IFNAR2: variants seen among roughly 807,000 people sequenced by gnomAD.
IFNAR2 encodes interferon alpha and beta receptor subunit 2, also known as interferon alpha/beta receptor 2.
A neutral mutation model predicts 49.4 loss-of-function variants in IFNAR2; 30 were observed. That is an observed-to-expected ratio of 0.61 (90% CI 0.45 to 0.82). The LOEUF is 0.82. Ranked by LOEUF, IFNAR2 falls within the 40% of genes least tolerant of loss-of-function variation. The pLI is 0.00. For synonymous variants in IFNAR2, 224 were observed against 234.5 expected (o/e 0.96, Z 0.41); for missense variants, 600 against 622.7 (o/e 0.96, Z 0.39).
chr21:33,253,403 C>G (rs549828140), intron 7 of IFNAR2, among the ~76,000 whole-genome samples: 1 of 152,162 alleles, frequency 6.6e-6, no homozygotes, highest in African/African-American at 2.4e-5. Context: ...AATCAAGCCT[C>G]GGAACTCCCT....
chr21:33,242,779 G>A (rs1356357308), intron 2 of IFNAR2, among the ~76,000 whole-genome samples: 17 of 49,396 alleles, frequency 3.4e-4, no homozygotes, highest in South Asian at 9.7e-4. Context: ...GTGTGTGTGT[G>A]TGTGTGTGTG....
rs975597000 is a variant in IFNAR2 at position 33,251,506 on chromosome 21, A to T, written c.541-1156A>T. 123 of 973,030 alleles carry T rather than the reference A, an allele frequency of 1.3e-4. No homozygotes were observed. The African/African-American group carries it at 1.9e-3, about 15-fold the overall frequency. 60.3% of individuals were successfully genotyped at this position (973,030 alleles called of 1,614,324 possible). On this transcript the variant is annotated intron_variant, in intron 6 of 8. Transcript: ENST00000342136. The stretch of plus-strand genomic sequence containing the variant: ...TTCCAAGGAATTTTTCCAAACAGGG[A>T]AGGAGATTGTGTGCTGGCCACTGGA...
In IFNAR2 at chr21:33,260,620, G is replaced by A. The variant is rs138402252; in HGVS notation, c.733G>A (p.Gly245Arg). 1 of 1,584,374 alleles carries A rather than the reference G, an allele frequency of 6.3e-7. No homozygotes were observed. Among genetic ancestry groups the A allele is most frequent in the Non-Finnish European group, 8.5e-7 (1 of 1,171,854 alleles). The change falls in exon 8 of 9, where the codon GGA becomes AGA. Residue 245 changes from glycine (G) to arginine (R), a missense_variant. Transcript: ENST00000342136. ...AGAATCAGCAGAATCTGCCAAAATA[G>A]GAGGAATAATTACTGTGTTTTTGAT... ...ESESAESAKI[G>R]GIITVFLIAL...
At chr21:33,247,277 A>T (rs1601803178) in intron 5 of IFNAR2, among the ~76,000 whole-genome samples, 1 of 69,308 alleles carries the variant, frequency 1.4e-5, no homozygotes. Context: ...TTTGAGATGG[A>T]GTTTCACTCT....
intron 7 of IFNAR2, 25 bp from the exon 8 acceptor site, chr21:33,260,572 A>G (rs1294092695): frequency 6.3e-7 from 1 of 1,575,656 alleles, no homozygotes; most frequent in Non-Finnish European, 8.6e-7. Context: ...TTTTGAAATA[A>G]AGTCATTTAA....
chr21:33,252,307 C>T, intron 6 of IFNAR2: 1 of 516,640 alleles, frequency 1.9e-6, no homozygotes, highest in Non-Finnish European at 3.3e-6. Context: ...TATGAAGGCA[C>T]TTTCTCAAGT....
chr21:33,263,296 G>C lies in IFNAR2; in HGVS notation c.1344G>C (p.Met448Ile), dbSNP rs757139087. Residue 448 changes from methionine to isoleucine, a missense_variant, in exon 9 of 9, where the codon ATG (methionine) becomes ATC (isoleucine). Met to Ile is a conservative substitution (Grantham distance 10, BLOSUM62 1). Coordinates refer to ENST00000342136, the MANE Select transcript of IFNAR2 (RefSeq NM_001289125.3). Reference protein sequence around the residue: ...EDSDDLEAPLMLSSHLEEMVD... With the variant: ...EDSDDLEAPLILSSHLEEMVD... Reference sequence around the variant, plus strand: ...GTGACGACTTAGAAGCCCCTCTGATGCTATCGTCTCATCTGGAAGAGATGG... The same window carrying C: ...GTGACGACTTAGAAGCCCCTCTGATCCTATCGTCTCATCTGGAAGAGATGG... 1 of 1,614,194 alleles carries C rather than the reference G, an allele frequency of 6.2e-7. No individual in the cohort carries two copies. Among genetic ancestry groups the C allele is most frequent in the Non-Finnish European group, 8.5e-7 (1 of 1,180,040 alleles).
At chr21:33,262,409 G>A (rs1223592583) in intron 8 of IFNAR2, 2 of 532,178 alleles carry the variant, frequency 3.8e-6, no homozygotes, top group African/African-American at 3.9e-5. Context: ...TCATAGAGCA[G>A]TTGCAAGGGA....
At chr21:33,251,862 C>T (rs975647943) in intron 6 of IFNAR2, 10 of 701,584 alleles carry the variant, frequency 1.4e-5, no homozygotes, top group African/African-American at 9.7e-5. Flanking sequence ...GCAGGCAGAT[C>T]GCTTGCGGTC....
chr21:33,253,376 C>G (rs1987993770), intron 7 of IFNAR2, among the ~76,000 whole-genome samples: 1 of 152,196 alleles, frequency 6.6e-6, no homozygotes, highest in South Asian at 2.1e-4. Flanking sequence ...AACCTTCTTC[C>G]CCTTTGGAGT....
chr21:33,242,266 G>A (rs897979197), intron 2 of IFNAR2, among the ~76,000 whole-genome samples: 2 of 152,116 alleles, frequency 1.3e-5, no homozygotes, highest in Admixed American at 6.5e-5. Context: ...CTCCTAACAC[G>A]CTTTCTTCCT....
chr21:33,239,291 G>A (rs374420067), intron 1 of IFNAR2, among the ~76,000 whole-genome samples: 2 of 152,156 alleles, frequency 1.3e-5, no homozygotes, highest in South Asian at 4.1e-4. Flanking sequence ...AAGGGACACC[G>A]TGAGTGATAT....
In IFNAR2 at chr21:33,265,605, A is replaced by G; in HGVS notation, c.*2105A>G. The G allele has an allele frequency of 5.0e-6, 1 of 199,354 alleles. No individual in the cohort carries two copies. Among genetic ancestry groups the G allele is most frequent in the Non-Finnish European group, 1.1e-5 (1 of 94,094 alleles). 12.3% of individuals were successfully genotyped at this position (199,354 alleles called of 1,614,324 possible). On this transcript the variant is annotated 3_prime_UTR_variant, in exon 9 of 9. Transcript: ENST00000342136. ...TGTGTGTGTTTGTGTATTTTTTAACATTTTGTATAATGATTGGAGGTTGGT... is the reference window on the plus strand; with the variant it reads ...TGTGTGTGTTTGTGTATTTTTTAACGTTTTGTATAATGATTGGAGGTTGGT...
intron 1 of IFNAR2, among the ~76,000 whole-genome samples, chr21:33,240,211 G>A (rs1043497944): frequency 2.0e-5 from 3 of 152,164 alleles, no homozygotes; most frequent in Non-Finnish European, 2.9e-5. Flanking sequence ...TTTATATGAC[G>A]ATAGCCCCAT....
intron 5 of IFNAR2, among the ~76,000 whole-genome samples, chr21:33,247,432 T>C (rs1006603205): frequency 6.6e-6 from 1 of 151,864 alleles, no homozygotes. Flanking sequence ...TTTGTACTTT[T>C]AGTAGAAATG....
At chr21:33,262,100 G>T (rs910813420) in intron 8 of IFNAR2, among the ~76,000 whole-genome samples, 5 of 151,894 alleles carry the variant, frequency 3.3e-5, no homozygotes, top group Non-Finnish European at 7.4e-5. Context: ...AGGCGCGGTG[G>T]CCACGCCTAT....
At chr21:33,234,829 G>A (rs1986328419) in intron 1 of IFNAR2, 1 of 771,216 alleles carries the variant, frequency 1.3e-6, no homozygotes, top group Non-Finnish European at 1.6e-6. Flanking sequence ...CAAGCTGACA[G>A]AATTAAGTGA....
chr21:33,260,310 A>G (rs1988478668), intron 7 of IFNAR2, among the ~76,000 whole-genome samples: 1 of 152,178 alleles, frequency 6.6e-6, no homozygotes, highest in African/African-American at 2.4e-5. Flanking sequence ...TTTAATTTTA[A>G]TCATTTAAAT....
At chr21:33,248,897 GCAAT>G in intron 6 of IFNAR2, 43 bp downstream of exon 6, 4 of 1,335,002 alleles carry the variant, frequency 3.0e-6, no homozygotes, top group Non-Finnish European at 4.1e-6. Context: ...TTCTGAGTGG[GCAAT>G]CAATGCACTT....
Sources: gnomAD v4.1 joint callset for allele counts (sites outside exome capture counted in the v4.1 genomes callset) on GRCh38, gnomAD v4.1.1 for gene constraint, MANE v1.5 for transcripts, NCBI Gene and HGNC (gene_info 2026-07-23, HGNC 2026-07-21) for gene names.